The following BOP1 variants were observed in gnomAD, a reference collection of about 807,000 sequenced individuals.
The protein encoded by BOP1 is BOP1 ribosomal biogenesis factor.
In BOP1, 54 loss-of-function variants were observed where a neutral mutation model predicts 82.9. The ratio of observed to expected loss-of-function variants is 0.65; its 90% CI spans 0.52 to 0.82. BOP1 has a LOEUF of 0.82. Ranked by LOEUF, BOP1 falls within the 40% of genes least tolerant of loss-of-function variation. BOP1 has a pLI of 0.00. For synonymous variants in BOP1, 566 were observed against 451.1 expected, an observed-to-expected ratio of 1.25 and a Z score of -3.23; for missense variants, 1,170 against 1,072.0, an observed-to-expected ratio of 1.09 and a Z score of -1.28.
At chr8:144,280,059 G>A (rs782115011) in intron 2 of BOP1, among the ~76,000 whole-genome samples, 7 of 152,148 alleles carry the variant, frequency 4.6e-5, no homozygotes, top group Non-Finnish European at 7.3e-5. Flanking sequence ...TGCTGCTTTC[G>A]GCCTGAACTC....
At chr8:144,275,112 G>A (rs1029327384) in intron 3 of BOP1, among the ~76,000 whole-genome samples, 6 of 152,126 alleles carry the variant, frequency 3.9e-5, no homozygotes, top group Non-Finnish European at 8.8e-5. Flanking sequence ...GAACCTGGGG[G>A]GAGGGGGGCG....
intron 2 of BOP1, 35 bp from the exon 3 acceptor site, chr8:144,276,339 G>A (rs1845567902): frequency 1.9e-6 from 3 of 1,605,960 alleles, no homozygotes; most frequent in African/African-American, 1.3e-5. Context: ...CACTTCAGGG[G>A]ATACAGGGTA....
In BOP1 at chr8:144,264,764, G is replaced by C. The variant is rs896346282; in HGVS notation, c.613C>G (p.Arg205Gly). The C allele has an allele frequency of 2.5e-6, 4 of 1,602,190 alleles. No homozygotes were observed. In the Admixed American group the frequency reaches 5.1e-5, roughly 20 times the overall value. Reference sequence around the variant, plus strand: ...CCAAACTGGCCACTCTGCAGCCGCCGCACCAGGGCCACCTGCTCATCCGTC... The same window carrying C: ...CCAAACTGGCCACTCTGCAGCCGCCCCACCAGGGCCACCTGCTCATCCGTC... ...RLTDEQVALV[R>G]RLQSGQFGDV... The change falls in exon 5 of 16, where the codon CGG becomes GGG. Residue 205 changes from arginine to glycine, a missense_variant. Arg to Gly is a moderately radical substitution (Grantham distance 125, BLOSUM62 -2). Coordinates refer to ENST00000569669, the MANE Select transcript of BOP1 (RefSeq NM_015201.5).
In BOP1 at chr8:144,270,368, A is replaced by G. The variant is rs553943961; in HGVS notation, c.391-5297T>C. ...GGGGTGTCTAACGAGGCTAGAAGAA[A>G]GTGAACAGGGAACAACGACCTGGAG... On this transcript the variant is annotated intron_variant, in intron 3 of 15. Coordinates refer to ENST00000569669, the MANE Select transcript of BOP1 (RefSeq NM_015201.5). 9.8e-3 allele frequency among the ~76,000 whole-genome samples: 1,497 copies of G among 152,238 alleles called. 23 individuals are homozygous for G. Among genetic ancestry groups the G allele is most frequent in the African/African-American group, 0.034 (1,406 of 41,544 alleles).
chr8:144,264,955 C>G lies in BOP1; in HGVS notation c.507G>C (p.Leu169=). The change falls in exon 4 of 16, where the codon CTG becomes CTC. Residue 169 remains leucine (L), a synonymous_variant. Transcript: ENST00000569669. The part of the protein sequence containing the change: ...IYKPLRTRDE[L]DQFLDKMDDP... ...CGTCCATCTTGTCCAGGAACTGGTC[C>G]AGCTCATCCCGGGTCCGCAGGGGCT... 6.2e-7 allele frequency: 1 copy of G among 1,612,358 alleles called. No individual in the cohort carries two copies. The highest frequency in any genetic ancestry group is 1.1e-5 in the South Asian group (1 of 91,064).
chr8:144,279,227 C>T (rs9987144), intron 2 of BOP1, among the ~76,000 whole-genome samples: 2,760 of 151,990 alleles, frequency 0.018, 45 homozygotes, highest in Non-Finnish European at 0.029. Flanking sequence ...CTGCGTGCCA[C>T]GACCGCCACA....
chr8:144,265,202 G>T, intron 3 of BOP1, 131 bp from the exon 4 acceptor site: 2 of 1,059,836 alleles, frequency 1.9e-6, no homozygotes, highest in Non-Finnish European at 1.4e-6. Context: ...GAGGTCACTG[G>T]CCCTGACCTA....
intron 13 of BOP1, 47 bp downstream of exon 13, chr8:144,262,806 C>CT (rs1845249394): frequency 2.3e-6 from 1 of 427,694 alleles, no homozygotes; most frequent in Non-Finnish European, 4.0e-6. Context: ...GTACACCGCC[C>CT]CCCCCCCCAC....
chr8:144,287,210 A>G (rs1814910313), intron 2 of BOP1, among the ~76,000 whole-genome samples: 1 of 152,012 alleles, frequency 6.6e-6, no homozygotes, highest in Non-Finnish European at 1.5e-5. Flanking sequence ...GGGTTTCACC[A>G]TGTTAGCCAG....
chr8:144,264,581 G>A lies in BOP1; in HGVS notation c.699C>T (p.Ile233=). The A allele has an allele frequency of 6.2e-7, 1 of 1,608,470 alleles. No homozygotes were observed. The highest frequency in any genetic ancestry group is 8.5e-7 in the Non-Finnish European group (1 of 1,178,040). The change falls in exon 6 of 16, where the codon ATC becomes ATT. Residue 233 remains isoleucine, a synonymous_variant. Transcript: ENST00000569669. ...AVDFFSGDVM[I]HPVTNRPADK... ...CGGCCGGGCGGTTGGTCACCGGGTG[G>A]ATCATGACGTCCCCGCTGAAGAAGT...
chr8:144,262,769 CCCCT>C, intron 13 of BOP1, 80 bp downstream of exon 13: 1 of 1,434,400 alleles, frequency 7.0e-7, no homozygotes, highest in South Asian at 1.3e-5. Context: ...GGGTGCACTG[CCCCT>C]ACCCCCACCC....
intron 14 of BOP1, 41 bp downstream of exon 14, chr8:144,262,547 G>C: frequency 6.2e-7 from 1 of 1,612,866 alleles, no homozygotes; most frequent in Non-Finnish European, 8.5e-7. Context: ...GGGCTGAAGG[G>C]AGGGGCTCTG....
At chr8:144,271,727 C>T (rs1845496216) in intron 3 of BOP1, among the ~76,000 whole-genome samples, 4 of 152,198 alleles carry the variant, frequency 2.6e-5, no homozygotes, top group Non-Finnish European at 4.4e-5. Context: ...TCCTCCTCCT[C>T]AAAGTCCAAA....
chr8:144,263,567 G>C lies in BOP1; in HGVS notation c.1335C>G (p.Ala445=). ...GSLRLWEVAT[A]RCVRTVPVGG... The stretch of plus-strand genomic sequence containing the variant: ...CCACGGGAACAGTCCTCACACAGCG[G>C]GCAGTGGCCACCTCCCAGAGCCGCA... Residue 445 remains alanine, a synonymous_variant, in exon 11 of 16, where the codon GCC becomes GCG. Transcript: ENST00000569669. The C allele has an allele frequency of 6.2e-7, 1 of 1,602,762 alleles. No homozygotes were observed. Among genetic ancestry groups the C allele is most frequent in the South Asian group, 1.1e-5 (1 of 91,024 alleles).
chr8:144,288,040 C>A (rs1588610545), intron 2 of BOP1, among the ~76,000 whole-genome samples: 1 of 151,998 alleles, frequency 6.6e-6, no homozygotes, highest in South Asian at 2.1e-4. Flanking sequence ...CCAAGGCAGG[C>A]AGATCACTTG....
intron 2 of BOP1, among the ~76,000 whole-genome samples, chr8:144,281,209 G>C (rs1227692635): frequency 0.74 from 1,763 of 2,392 alleles, 831 homozygotes; most frequent in East Asian, 0.97. Context: ...CCTTCTCTCA[G>C]TTTAATACCA....
intron 4 of BOP1, 35 bp from the exon 5 acceptor site, chr8:144,264,866 C>T: frequency 1.2e-6 from 2 of 1,608,390 alleles, no homozygotes; most frequent in Non-Finnish European, 1.7e-6. Flanking sequence ...CCAGCCCTGC[C>T]CCACCCCTCG....
At chr8:144,268,648 G>A (rs1008664341) in intron 3 of BOP1, among the ~76,000 whole-genome samples, 25 of 152,168 alleles carry the variant, frequency 1.6e-4, no homozygotes, top group African/African-American at 5.1e-4. Flanking sequence ...GGGCTGAGGC[G>A]GTGAGGATGG....
rs993784537 is a variant in BOP1, at chr8:144,263,033, G to C, written c.1714C>G (p.Gln572Glu). Residue 572 changes from glutamine to glutamate, a missense_variant, in exon 13 of 16, where the codon CAG (glutamine) becomes GAG (glutamate). Coordinates refer to ENST00000569669, the MANE Select transcript of BOP1 (RefSeq NM_015201.5). Reference protein sequence around the residue: ...LIHQLSRRRSQSPFRRSHGQV... With the variant: ...LIHQLSRRRSESPFRRSHGQV... ...CCGTGGCTGCGGCGGAACGGACTCT[G>C]GCTGCGGCGACGGCTCAGCTGGTGA... 2.0e-4 allele frequency: 314 copies of C among 1,568,680 alleles called. No individual in the cohort carries two copies. The highest frequency in any genetic ancestry group is 2.5e-4 in the Non-Finnish European group (286 of 1,165,926).
Sources: gnomAD v4.1 joint callset for allele counts (sites outside exome capture counted in the v4.1 genomes callset) on GRCh38, gnomAD v4.1.1 for gene constraint, MANE v1.5 for transcripts, NCBI Gene and HGNC (gene_info 2026-07-23, HGNC 2026-07-21) for gene names.